The following EPHA6 variants were observed in gnomAD, a reference collection of about 807,000 sequenced individuals.
The protein encoded by EPHA6 is EPH receptor A6.
In EPHA6, 50 loss-of-function variants were observed where a neutral mutation model predicts 112.0. The ratio of observed to expected loss-of-function variants is 0.45; its 90% confidence interval spans 0.36 to 0.56. EPHA6 has a LOEUF of 0.56. Among genes scored for constraint, EPHA6 ranks in the 20% least tolerant of loss-of-function variants. The probability of loss-of-function intolerance (pLI) is 0.00; values close to 1 mark genes in which losing one functional copy is unlikely to be tolerated. For missense variants in EPHA6, 1,280 were observed against 1,417.4 expected, an observed-to-expected ratio of 0.90 and a Z score of 1.56; for synonymous variants, 529 against 490.7, an observed-to-expected ratio of 1.08 and a Z score of -1.03.
chr3:97,525,223 A>G (rs1217144886), intron 10 of EPHA6, among the ~76,000 whole-genome samples: 1 of 152,040 alleles, frequency 6.6e-6, no homozygotes, highest in Non-Finnish European at 1.5e-5. Flanking sequence ...AATTTCAAAT[A>G]ATCTTTCTTC....
chr3:97,434,249 C>G (rs535057855), intron 6 of EPHA6, among the ~76,000 whole-genome samples: 188 of 152,026 alleles, frequency 1.2e-3, no homozygotes, highest in African/African-American at 4.3e-3. Flanking sequence ...AAATCCAAGC[C>G]CTATCAGTAA....
intron 13 of EPHA6, among the ~76,000 whole-genome samples, chr3:97,635,006 T>TTGGTTTGG (rs1480871041): frequency 2.6e-5 from 4 of 151,952 alleles, no homozygotes; most frequent in Admixed American, 2.0e-4. Context: ...CTAGTATAGC[T>TTGGTTTGG]TGGTTTGGTG....
intron 1 of EPHA6, among the ~76,000 whole-genome samples, chr3:96,832,755 C>A (rs2107283358): frequency 6.6e-6 from 1 of 152,030 alleles, no homozygotes; most frequent in East Asian, 1.9e-4. Context: ...TAACCAGTAA[C>A]TGACATTTTA....
chr3:97,149,464 A>G (rs1161569708), intron 3 of EPHA6, among the ~76,000 whole-genome samples: 2 of 152,042 alleles, frequency 1.3e-5, no homozygotes, highest in Non-Finnish European at 2.9e-5. Context: ...CCACTGTATA[A>G]TATATATAAA....
chr3:96,878,352 AAGAG>A (rs1193131517), intron 2 of EPHA6, among the ~76,000 whole-genome samples: 1 of 151,766 alleles, frequency 6.6e-6, no homozygotes, highest in Non-Finnish European at 1.5e-5. Flanking sequence ...GAGAGAGAGA[AAGAG>A]AGAGCAAGCA....
At chr3:97,225,602 C>CA (rs1448707208) in intron 3 of EPHA6, among the ~76,000 whole-genome samples, 2 of 151,942 alleles carry the variant, frequency 1.3e-5, no homozygotes, top group Non-Finnish European at 2.9e-5. Flanking sequence ...TGTGTACCAC[C>CA]ACTCCTCATT....
chr3:96,918,759 A>G (rs2039612099), intron 2 of EPHA6, among the ~76,000 whole-genome samples: 1 of 151,816 alleles, frequency 6.6e-6, no homozygotes, highest in Non-Finnish European at 1.5e-5. Context: ...TGTGCTAGAA[A>G]CTCTTTGCAA....
chr3:97,211,746 A>C (rs1421942638), intron 3 of EPHA6, among the ~76,000 whole-genome samples: 1 of 152,152 alleles, frequency 6.6e-6, no homozygotes, highest in Non-Finnish European at 1.5e-5. Flanking sequence ...AGTCAATAAC[A>C]CCTATTCTAC....
chr3:97,278,163 T>G (rs973734046), intron 5 of EPHA6, among the ~76,000 whole-genome samples: 1 of 152,234 alleles, frequency 6.6e-6, no homozygotes, highest in African/African-American at 2.4e-5. Flanking sequence ...CCTCTCTGAT[T>G]TTGATTTCTC....
intron 1 of EPHA6, among the ~76,000 whole-genome samples, chr3:96,864,904 T>C (rs2036219093): frequency 6.6e-6 from 1 of 152,070 alleles, no homozygotes; most frequent in Admixed American, 6.6e-5. Flanking sequence ...TGTAAGTATA[T>C]TAAAAGAGTA....
At chr3:96,979,680 G>T (rs556043530) in intron 2 of EPHA6, among the ~76,000 whole-genome samples, 26 of 152,228 alleles carry the variant, frequency 1.7e-4, no homozygotes, top group African/African-American at 6.0e-4. Flanking sequence ...GTGTAAAAGT[G>T]TTCCTATTTC....
intron 14 of EPHA6, among the ~76,000 whole-genome samples, chr3:97,685,075 G>A (rs573184144): frequency 1.4e-3 from 217 of 152,242 alleles, no homozygotes; most frequent in African/African-American, 5.1e-3. Context: ...AAAGAAATTT[G>A]ATAGGTTTTC....
intron 2 of EPHA6, among the ~76,000 whole-genome samples, chr3:96,912,943 T>TA (rs1210152790): frequency 1.3e-5 from 2 of 151,992 alleles, no homozygotes; most frequent in African/African-American, 2.4e-5. Context: ...CATAGTAACT[T>TA]AAAAAAATGT....
At chr3:97,400,284 T>C (rs919205914) in intron 5 of EPHA6, among the ~76,000 whole-genome samples, 3 of 151,718 alleles carry the variant, frequency 2.0e-5, no homozygotes, top group African/African-American at 7.2e-5. Flanking sequence ...TTTATTTCTG[T>C]GTTCTCTGTT....
At chr3:97,466,353 G>A (rs773362175) in intron 7 of EPHA6, 357 of 1,606,336 alleles carry the variant, frequency 2.2e-4, no homozygotes, top group Non-Finnish European at 2.5e-4. Flanking sequence ...GTCCTGCATC[G>A]CCCTGCCCCA....
At chr3:97,164,280 G>A (rs756836400) in intron 3 of EPHA6, among the ~76,000 whole-genome samples, 3 of 152,228 alleles carry the variant, frequency 2.0e-5, no homozygotes, top group Non-Finnish European at 4.4e-5. Context: ...TTTGCTGTTG[G>A]AATAGTGTTA....
intron 3 of EPHA6, among the ~76,000 whole-genome samples, chr3:97,136,624 G>A (rs2075776094): frequency 2.0e-5 from 3 of 152,168 alleles, no homozygotes; most frequent in African/African-American, 7.2e-5. Context: ...AGCAACTCAA[G>A]AGGTTGAGGT....
chr3:97,337,856 A>G (rs2083130848), intron 5 of EPHA6, among the ~76,000 whole-genome samples: 1 of 152,166 alleles, frequency 6.6e-6, no homozygotes, highest in South Asian at 2.1e-4. Context: ...AAAATTTATC[A>G]AGTCACTTAC....
intron 2 of EPHA6, among the ~76,000 whole-genome samples, chr3:96,968,203 A>G (rs901436267): frequency 6.6e-6 from 1 of 151,814 alleles, no homozygotes; most frequent in Non-Finnish European, 1.5e-5. Context: ...ATTTAAGTGT[A>G]CTGACTTTGG....
Sources: gnomAD v4.1 joint callset for allele counts (sites outside exome capture counted in the v4.1 genomes callset) on GRCh38, gnomAD v4.1.1 for gene constraint, MANE v1.5 for transcripts, NCBI Gene and HGNC (gene_info 2026-07-23, HGNC 2026-07-21) for gene names.